The following SPTAN1 variants were observed in gnomAD, a reference collection of about 807,000 sequenced individuals.
SPTAN1 encodes spectrin alpha chain, non-erythrocytic 1.
SPTAN1 carries 61 observed loss-of-function variants against 331.3 expected under a neutral mutation model. The ratio of observed to expected loss-of-function variants is 0.18; its 90% CI spans 0.15 to 0.23. The LOEUF is 0.23. Among genes scored for constraint, SPTAN1 ranks in the 10% least tolerant of loss-of-function variants. The pLI, the probability that SPTAN1 is intolerant of heterozygous loss-of-function variation, is 1.00. For missense variants in SPTAN1, 2,043 were observed against 3,147.9 expected, an observed-to-expected ratio of 0.65 and a Z score of 8.40; for synonymous variants, 1,153 against 1,173.9, an observed-to-expected ratio of 0.98 and a Z score of 0.36.
At chr9:128,566,409 C>T (rs984177688) in intron 1 of SPTAN1, among the ~76,000 whole-genome samples, 2 of 152,156 alleles carry the variant, frequency 1.3e-5, no homozygotes, top group Non-Finnish European at 2.9e-5. Context: ...ACCACAGTTG[C>T]TGTTTCCTCT....
rs1589422584 is a variant in SPTAN1, at chr9:128,633,195, C to G, written c.7309-14C>G. On this transcript the variant is annotated splice_polypyrimidine_tract_variant and intron_variant, in intron 56 of 56. Transcript: ENST00000372739. ...AGCTGGCTCAGGCACCAGGTGCCAT[C>G]TCTTACCCCACAGAACCTGACCCGG... 52 of 1,611,716 alleles carry G rather than the reference C, an allele frequency of 3.2e-5. No homozygotes were observed. The East Asian group carries it at 1.2e-3, about 36-fold the overall frequency.
rs200241514 is a variant in SPTAN1 at position 128,584,309 on chromosome 9, G to T, written c.2221G>T (p.Ala741Ser). Reference protein sequence around the residue: ...QDRIDGITIQARQFQDAGHFD... With the variant: ...QDRIDGITIQSRQFQDAGHFD... ...CCGAATTGATGGCATCACCATTCAGGCCCGCCAGTTCCAAGATGCTGGCCA... is the reference window on the plus strand; with the variant it reads ...CCGAATTGATGGCATCACCATTCAGTCCCGCCAGTTCCAAGATGCTGGCCA... Residue 741 changes from alanine to serine, a missense_variant, in exon 17 of 57, where the codon GCC becomes TCC. By Grantham distance (99) the Ala-to-Ser change is moderately conservative. This residue lies in a region of SPTAN1 where 1,038 missense variants were observed against 1,531.5 expected (regional missense o/e 0.68). Transcript: ENST00000372739. 9.9e-6 allele frequency: 16 copies of T among 1,614,114 alleles called. 1 individual carries two copies. In the Admixed American group the frequency reaches 1.8e-4, roughly 18 times the overall value.
rs1015687471 is a variant in SPTAN1, at chr9:128,552,821, C to G, written c.-4+125C>G. 1 of 152,172 alleles carries G rather than the reference C, an allele frequency of 6.6e-6. No individual in the cohort carries two copies. The highest frequency in any genetic ancestry group is 6.5e-5 in the Admixed American group (1 of 15,272). The allele number at this position is 152,172 out of a possible 1,614,324, so 9.4% of individuals were successfully genotyped here. On this transcript the variant is annotated intron_variant, in intron 1 of 56. Transcript: ENST00000372739. This position sits in a 1 kb window ranked among gnomAD's most constrained non-coding sequence, Gnocchi z 4.6. ...GCGCGGACAGGTGAGCCGGGCGGGC[C>G]GCGGGGCTGCCTCCATTCGGCTGAG...
At position 128,627,496 on chromosome 9, in the gene SPTAN1, C is replaced by T. The variant is rs562624725; in HGVS notation, c.6687C>T (p.Thr2229=). ...ANAFHQWIQE[T]RTYLLDGSCM... is the part of the protein sequence containing the mutation. Reference sequence around the variant, plus strand: ...CCTTCCACCAGTGGATCCAAGAGACCAGGTGCCAGCCCGCTGGGGCCGGGG... The same window carrying T: ...CCTTCCACCAGTGGATCCAAGAGACTAGGTGCCAGCCCGCTGGGGCCGGGG... The change falls in exon 50 of 57, where the codon ACC becomes ACT. Residue 2229 remains threonine (T), a splice_region_variant and synonymous_variant. Coordinates refer to ENST00000372739, the MANE Select transcript of SPTAN1 (RefSeq NM_001130438.3). This position sits in a 1 kb window ranked among gnomAD's most constrained non-coding sequence, Gnocchi z 4.9. 6 of 1,550,928 alleles carry T rather than the reference C, an allele frequency of 3.9e-6. No individual in the cohort carries two copies. The South Asian group carries it at 5.9e-5, about 15-fold the overall frequency.
chr9:128,583,887 A>G lies in SPTAN1; in HGVS notation c.2111A>G (p.Asp704Gly). 1.2e-6 allele frequency: 2 copies of G among 1,614,196 alleles called. No homozygotes were observed. Among genetic ancestry groups the G allele is most frequent in the Non-Finnish European group, 1.7e-6 (2 of 1,180,038 alleles). Residue 704 changes from aspartate (D) to glycine (G), a missense_variant, in exon 16 of 57, where the codon GAT (aspartate) becomes GGT (glycine). Asp to Gly is a moderately conservative substitution (Grantham distance 94, BLOSUM62 -1). Around this residue, in one of 12 missense-constraint regions of SPTAN1, gnomAD observed 1,038 missense variants for 1,531.5 expected, o/e 0.68. Transcript: ENST00000372739. ...LYEVEGHLAS[D>G]DYGKDLTNVQ... is the part of the protein sequence containing the mutation. The stretch of plus-strand genomic sequence containing the variant: ...GAAGTAGAAGGTCACTTGGCTTCGG[A>G]TGATTACGGCAAAGATCTTACCAAT...
intron 2 of SPTAN1, among the ~76,000 whole-genome samples, chr9:128,567,666 A>G (rs1013901440): frequency 6.6e-6 from 1 of 152,250 alleles, no homozygotes; most frequent in African/African-American, 2.4e-5. Flanking sequence ...CAGATATCAA[A>G]GAATAAGTAC....
intron 3 of SPTAN1, 32 bp downstream of exon 3, chr9:128,568,929 T>G: frequency 1.2e-6 from 2 of 1,613,366 alleles, no homozygotes; most frequent in South Asian, 2.2e-5. Flanking sequence ...AGTGGATGGC[T>G]TCATCTGGGT....
chr9:128,589,262 G>A (rs1197695232), intron 21 of SPTAN1, among the ~76,000 whole-genome samples: 3 of 148,558 alleles, frequency 2.0e-5, no homozygotes, highest in Non-Finnish European at 3.0e-5. Flanking sequence ...ACTTGGACCT[G>A]TTGGTTCTTT....
intron 24 of SPTAN1, among the ~76,000 whole-genome samples, chr9:128,595,595 A>G (rs938343776): frequency 6.6e-6 from 1 of 152,076 alleles, no homozygotes; most frequent in African/African-American, 2.4e-5. Context: ...TTTAAACTGT[A>G]CAATTCAGTG....
intron 24 of SPTAN1, 37 bp from the exon 25 acceptor site, chr9:128,598,363 A>C (rs752881438): frequency 1.9e-6 from 3 of 1,538,516 alleles, no homozygotes; most frequent in South Asian, 2.3e-5. Flanking sequence ...TTGGCTTGCT[A>C]TTTTGGGTTT....
rs535010803 is a variant in SPTAN1 at position 128,598,342 on chromosome 9, C to G, written c.3415-58C>G. 6.2e-6 allele frequency: 8 copies of G among 1,287,546 alleles called. No individual in the cohort carries two copies. The Admixed American group carries it at 1.5e-4, about 25-fold the overall frequency. The allele number at this position is 1,287,546 out of a possible 1,614,324, so 79.8% of individuals were successfully genotyped here. A position where few individuals can be genotyped will look rare whatever the true frequency, so the allele number is the denominator to read the frequency against. ...TTCAAGCCATAGTTTGTGACTATGT[C>G]TCCTTTGACTTTGGCTTGCTATTTT... On this transcript the variant is annotated intron_variant, in intron 24 of 56. Coordinates refer to ENST00000372739, the MANE Select transcript of SPTAN1 (RefSeq NM_001130438.3).
Position 128,615,765 on chromosome 9 carries a change from G to A in SPTAN1, c.5282G>A (p.Arg1761Gln), listed in dbSNP as rs755046868. 7 of 1,614,218 alleles carry A rather than the reference G, an allele frequency of 4.3e-6. No individual in the cohort carries two copies. The highest frequency in any genetic ancestry group is 2.2e-5 in the South Asian group (2 of 91,088). The change falls in exon 41 of 57, where the codon CGG (arginine) becomes CAG (glutamine). Residue 1761 changes from arginine to glutamine, a missense_variant. By Grantham distance (43) the Arg-to-Gln change is conservative. This residue lies in a region of SPTAN1 where 323 missense variants were observed against 581.1 expected (regional missense o/e 0.56). Coordinates refer to ENST00000372739, the MANE Select transcript of SPTAN1 (RefSeq NM_001130438.3). ...AAGATCAAGAGCATGGCGGCCTCCCGGCGAGCCAAGCTGAATGAATCCCAT... is the reference window on the plus strand; with the variant it reads ...AAGATCAAGAGCATGGCGGCCTCCCAGCGAGCCAAGCTGAATGAATCCCAT... ...FQKIKSMAAS[R>Q]RAKLNESHRL... is the part of the protein sequence containing the mutation.
chr9:128,582,553 T>C lies in SPTAN1; in HGVS notation c.1647T>C (p.Asp549=). The C allele has an allele frequency of 3.7e-6, 6 of 1,613,890 alleles. No homozygotes were observed. The highest frequency in any genetic ancestry group is 5.1e-6 in the Non-Finnish European group (6 of 1,180,030). The change falls in exon 13 of 57, where the codon GAT becomes GAC. Residue 549 remains aspartate (D), a synonymous_variant. Coordinates refer to ENST00000372739, the MANE Select transcript of SPTAN1 (RefSeq NM_001130438.3). The stretch of plus-strand genomic sequence containing the variant: ...TGGAAGATGTGGCCACTCGCCGAGA[T>C]GCTGTAAGTTTGTAGGTTCTTCATG... ...YAMEDVATRR[D]ALLSRRNALH...
intron 51 of SPTAN1, chr9:128,628,467 G>C (rs1342492369): frequency 6.0e-6 from 2 of 333,940 alleles, no homozygotes; most frequent in African/African-American, 4.3e-5. Context: ...AGGGTAACAA[G>C]ACTGTCCGCC....
At chr9:128,563,024 A>ATATATATATG (rs1564188712) in intron 1 of SPTAN1, among the ~76,000 whole-genome samples, 2 of 140,606 alleles carry the variant, frequency 1.4e-5, no homozygotes, top group African/African-American at 5.4e-5. Flanking sequence ...ATATATATAT[A>ATATATATATG]TATGTATATA....
chr9:128,611,586 TA>T, intron 37 of SPTAN1, 127 bp from the exon 38 acceptor site: 1 of 1,079,156 alleles, frequency 9.3e-7, no homozygotes, highest in Non-Finnish European at 1.4e-6. Flanking sequence ...TGCCTTCTGT[TA>T]AAAACGTTGG....
At chr9:128,571,753 CAG>C (rs552731312) in intron 3 of SPTAN1, among the ~76,000 whole-genome samples, 1 of 152,138 alleles carries the variant, frequency 6.6e-6, no homozygotes, top group Non-Finnish European at 1.5e-5. Context: ...AACTGAGTCT[CAG>C]AGAATTTGAG....
chr9:128,621,707 G>A (rs576010789), intron 45 of SPTAN1: 67 of 260,706 alleles, frequency 2.6e-4, no homozygotes, highest in Middle Eastern at 1.5e-3. Context: ...GCAGACTCCC[G>A]TTTAATAGGA....
intron 28 of SPTAN1, 100 bp downstream of exon 28, chr9:128,603,690 C>A: frequency 7.1e-7 from 1 of 1,404,368 alleles, no homozygotes; most frequent in Non-Finnish European, 1.0e-6. Flanking sequence ...ACCGGGTGAC[C>A]TGTGACATAT....
Sources: allele counts gnomAD v4.1 joint callset (sites outside exome capture counted in the v4.1 genomes callset), GRCh38; gene constraint gnomAD v4.1.1; regional missense constraint gnomAD v4.1.1; non-coding constraint Gnocchi (gnomAD v3.1); transcripts MANE v1.5; gene names NCBI Gene and HGNC (gene_info 2026-07-23, HGNC 2026-07-21).